OPHN1: variants seen among roughly 807,000 people sequenced by gnomAD.
OPHN1 encodes oligophrenin 1.
Under a neutral mutation model 60.7 loss-of-function variants are expected in OPHN1, and 11 were observed. That is an observed-to-expected ratio of 0.18 (90% CI 0.11 to 0.30). The LOEUF (loss-of-function observed/expected upper bound fraction) is 0.30, where lower values mean the gene tolerates loss of function less well. OPHN1 is among the 10% of genes least tolerant of loss of function. The pLI is 1.00. For synonymous variants in OPHN1, 226 were observed against 222.6 expected, an observed-to-expected ratio of 1.02 and a Z score of -0.14; for missense variants, 449 against 611.0, an observed-to-expected ratio of 0.73 and a Z score of 2.80.
At chrX:68,429,537 G>A (rs763298491) in intron 2 of OPHN1, among the ~76,000 whole-genome samples, 11 of 110,790 alleles carry the variant, frequency 9.9e-5, no homozygotes, top group African/African-American at 3.6e-4. Context: ...CAGCCTGGGC[G>A]AGATCAGTGA....
intron 2 of OPHN1, among the ~76,000 whole-genome samples, chrX:68,409,290 G>T (rs2078758489): frequency 9.0e-6 from 1 of 111,416 alleles, no homozygotes; most frequent in Non-Finnish European, 1.9e-5. Context: ...CCCTAGGCCA[G>T]TGCTTTCTGC....
At chrX:68,136,762 T>G (rs1254295069) in intron 15 of OPHN1, among the ~76,000 whole-genome samples, 1 of 112,258 alleles carries the variant, frequency 8.9e-6, no homozygotes, top group African/African-American at 3.2e-5. Flanking sequence ...AAGTGCTTAT[T>G]ATAAACCATG....
chrX:68,394,041 G>T (rs1466156641), intron 2 of OPHN1, among the ~76,000 whole-genome samples: 1 of 104,573 alleles, frequency 9.6e-6, no homozygotes, highest in Non-Finnish European at 2.0e-5. Flanking sequence ...GACTACAGGC[G>T]CCCGCTACCA....
chrX:68,392,201 C>CT (rs1326206278), intron 2 of OPHN1, among the ~76,000 whole-genome samples: 1 of 111,290 alleles, frequency 9.0e-6, no homozygotes, highest in Admixed American at 9.6e-5. Context: ...AGATGAACAC[C>CT]TTTATGATGA....
chrX:68,372,720 G>T (rs908856340), intron 2 of OPHN1, among the ~76,000 whole-genome samples: 1 of 110,688 alleles, frequency 9.0e-6, no homozygotes, highest in African/African-American at 3.3e-5. Flanking sequence ...CAAAGACCAT[G>T]TCAATTGCAG....
Position 68,136,291 on chromosome X carries a change from C to CTTTT in OPHN1, c.1277-16963_1277-16960dup, listed in dbSNP as rs779712280. Among the ~76,000 whole-genome samples the CTTTT allele has an allele frequency of 2.7e-4, 17 of 64,105 alleles. 1 individual carries two copies. Among genetic ancestry groups the CTTTT allele is most frequent in the African/African-American group, 1.1e-3 (16 of 14,162 alleles). The allele number at this position is 64,105 out of a possible 115,157, so 55.7% of individuals were successfully genotyped here. On this transcript the variant is annotated intron_variant, in intron 15 of 24. Transcript: ENST00000355520. ...AGATACTAGTATCAAAATATCTTTT[C>CTTTT]TTTTTTTTTTTTTTTTTTTTTTTTG...
At chrX:68,328,456 A>G (rs2078279111) in intron 2 of OPHN1, among the ~76,000 whole-genome samples, 1 of 112,997 alleles carries the variant, frequency 8.8e-6, no homozygotes, top group Non-Finnish European at 1.9e-5. Context: ...AAAGAACACA[A>G]GAAAACATCT....
chrX:68,431,942 A>G (rs1446215215), intron 2 of OPHN1, among the ~76,000 whole-genome samples: 3 of 110,590 alleles, frequency 2.7e-5, no homozygotes, highest in Admixed American at 9.7e-5. Context: ...ACTCCACCCA[A>G]TCATTACCCT....
chrX:68,355,974 C>T (rs931518569), intron 2 of OPHN1, among the ~76,000 whole-genome samples: 1 of 109,778 alleles, frequency 9.1e-6, no homozygotes, highest in Non-Finnish European at 1.9e-5. Context: ...TGCTTGAACC[C>T]GGGTGGTGGA....
At chrX:68,167,707 GTA>G (rs1394823045) in intron 15 of OPHN1, among the ~76,000 whole-genome samples, 1 of 77,961 alleles carries the variant, frequency 1.3e-5, no homozygotes, top group African/African-American at 8.1e-5. Flanking sequence ...ACACATATGT[GTA>G]TATGTGTGTG....
At chrX:68,352,183 G>A (rs2147705707) in intron 2 of OPHN1, among the ~76,000 whole-genome samples, 1 of 109,807 alleles carries the variant, frequency 9.1e-6, no homozygotes, top group South Asian at 3.9e-4. Flanking sequence ...AGAAATGTTT[G>A]TTAAATCCAA....
chrX:68,048,370 G>T lies in OPHN1; in HGVS notation c.*8+46C>A, dbSNP rs953964028. Reference sequence around the variant, plus strand: ...CAAAATATCAGATCCCGTAATGAAGGCTTATGTGGAACAAGATTTTGTAAT... The same window carrying T: ...CAAAATATCAGATCCCGTAATGAAGTCTTATGTGGAACAAGATTTTGTAAT... On this transcript the variant is annotated intron_variant, in intron 24 of 24. Transcript: ENST00000355520. 5.4e-6 allele frequency: 6 copies of T among 1,108,433 alleles called. No individual in the cohort carries two copies. The African/African-American group carries it at 7.3e-5, about 13-fold the overall frequency. The allele number at this position is 1,108,433 out of a possible 1,213,427, so 91.3% of individuals were successfully genotyped here.
intron 3 of OPHN1, among the ~76,000 whole-genome samples, chrX:68,289,475 A>C (rs2078060447): frequency 8.9e-6 from 1 of 112,495 alleles, no homozygotes; most frequent in Admixed American, 9.4e-5. Flanking sequence ...AATTGTAAAA[A>C]TTGACAAATG....
intron 15 of OPHN1, among the ~76,000 whole-genome samples, chrX:68,164,880 C>T (rs1322708215): frequency 8.9e-6 from 1 of 112,450 alleles, no homozygotes; most frequent in Non-Finnish European, 1.9e-5. Context: ...ACTACACCTT[C>T]TAGACAACAT....
At chrX:68,207,138 T>C (rs1050566395) in intron 9 of OPHN1, among the ~76,000 whole-genome samples, 2 of 108,164 alleles carry the variant, frequency 1.8e-5, no homozygotes, top group African/African-American at 3.4e-5. Flanking sequence ...TTTAATTTTT[T>C]TTTTTTTTTT....
intron 2 of OPHN1, among the ~76,000 whole-genome samples, chrX:68,355,549 T>C (rs1305993495): frequency 6.2e-5 from 7 of 112,418 alleles, no homozygotes; most frequent in Non-Finnish European, 9.4e-5. Context: ...ACTCCTTTCT[T>C]TACTTAGCTT....
rs1256910207 is a variant in OPHN1 at position 68,232,939 on chromosome X, T to TA, written c.486+1547_486+1548insT. On this transcript the variant is annotated intron_variant, in intron 6 of 24. Coordinates refer to ENST00000355520, the MANE Select transcript of OPHN1 (RefSeq NM_002547.3). ...CATCCACAACTAAGGCTTTTTTTTT[T>TA]TTTTTTGAGACAGAGTTTCGTTCTT... Among the ~76,000 whole-genome samples the TA allele has an allele frequency of 2.8e-5, 3 of 108,898 alleles. No individual in the cohort carries two copies. In the Admixed American group the frequency reaches 2.9e-4, roughly 11 times the overall value. 94.6% of individuals were successfully genotyped at this position (108,898 alleles called of 115,157 possible). A position where few individuals can be genotyped will look rare whatever the true frequency, so the allele number is the denominator to read the frequency against.
chrX:68,210,324 T>C, intron 8 of OPHN1, 42 bp from the exon 9 acceptor site: 1 of 1,174,826 alleles, frequency 8.5e-7, no homozygotes, highest in Non-Finnish European at 1.2e-6. Flanking sequence ...ATCATCATCA[T>C]TATCATGAAA....
At chrX:68,207,215 A>C (rs2077563718) in intron 9 of OPHN1, among the ~76,000 whole-genome samples, 1 of 103,004 alleles carries the variant, frequency 9.7e-6, no homozygotes. Flanking sequence ...TGCAAGCTCC[A>C]CCTCCCCAGT....
Sources: allele counts gnomAD v4.1 joint callset (sites outside exome capture counted in the v4.1 genomes callset), GRCh38; gene constraint gnomAD v4.1.1; transcripts MANE v1.5; gene names NCBI Gene and HGNC (gene_info 2026-07-23, HGNC 2026-07-21).